The following ACSL4 variants were observed in gnomAD, a reference collection of about 807,000 sequenced individuals.
The protein encoded by ACSL4 is acyl-CoA synthetase long chain family member 4.
A neutral mutation model predicts 49.1 loss-of-function variants in ACSL4; 9 were observed. The observed-to-expected ratio is 0.18, with a 90% CI of 0.11 to 0.32. The LOEUF (loss-of-function observed/expected upper bound fraction) is 0.32. Ranked by LOEUF, ACSL4 falls within the 10% of genes least tolerant of loss-of-function variation. ACSL4 has a pLI of 1.00. For missense variants in ACSL4, 333 were observed against 493.7 expected (o/e 0.67, Z 3.08); for synonymous variants, 191 against 170.3 (o/e 1.12, Z -0.95).
chrX:109,664,208 T>C (rs1922435697), intron 12 of ACSL4, among the ~76,000 whole-genome samples: 1 of 108,114 alleles, frequency 9.2e-6, no homozygotes, highest in Non-Finnish European at 1.9e-5. Context: ...AGCCAAAGAG[T>C]CTTCACAGCA....
rs1035030150 is a variant in ACSL4 at position 109,696,143 on chromosome X, C to A, written c.-13+1G>T. On this transcript the variant is annotated splice_donor_variant, in intron 2 of 15. Coordinates refer to ENST00000672401, the MANE Select transcript of ACSL4 (RefSeq NM_001318510.2). LOFTEE classifies it low-confidence loss of function (5UTR_SPLICE). ...AGAATTTCTAAAGGACAAATACTTA[C>A]AAATGTCCTCTTTTTCTCTTAAGAA... is the stretch of plus-strand genomic sequence containing the variant. The A allele has an allele frequency of 8.9e-6, 1 of 112,319 alleles. No individual in the cohort carries two copies. The highest frequency in any genetic ancestry group is 9.4e-5 in the Admixed American group (1 of 10,673). The allele number at this position is 112,319 out of a possible 1,213,427, so 9.3% of individuals were successfully genotyped here.
At chrX:109,657,426 T>C (rs906672682) in intron 15 of ACSL4, among the ~76,000 whole-genome samples, 34 of 106,902 alleles carry the variant, frequency 3.2e-4, no homozygotes, top group Middle Eastern at 4.7e-3. Flanking sequence ...GTCCAAGTGT[T>C]CTCGTTGTTC....
At position 109,645,731 on chromosome X, in the gene ACSL4, G is replaced by A. The variant is rs776230020; in HGVS notation, c.1856-1545C>T. 6.2e-3 allele frequency among the ~76,000 whole-genome samples: 688 copies of A among 111,746 alleles called. 4 individuals are homozygous for A. The highest frequency in any genetic ancestry group is 0.01 in the Non-Finnish European group (547 of 53,045). On this transcript the variant is annotated intron_variant, in intron 15 of 15. Coordinates refer to ENST00000672401, the MANE Select transcript of ACSL4 (RefSeq NM_001318510.2). ...AGACAATCAAATTACTCCGAGCTAC[G>A]GGAGGACATTCAAACCAAAGGCAAA... is the stretch of plus-strand genomic sequence containing the variant.
At chrX:109,704,282 TCTTA>T (rs1051445148) in intron 1 of ACSL4, among the ~76,000 whole-genome samples, 8 of 112,013 alleles carry the variant, frequency 7.1e-5, no homozygotes, top group African/African-American at 2.6e-4. Flanking sequence ...TTTTTATTTT[TCTTA>T]CTTAAATAAG....
chrX:109,696,617 A>C (rs774652848), intron 1 of ACSL4, among the ~76,000 whole-genome samples: 10 of 112,701 alleles, frequency 8.9e-5, no homozygotes, highest in Admixed American at 4.7e-4. Context: ...ACCAAAAACG[A>C]GTAAGTTCCT....
chrX:109,666,013 A>G (rs1025183333), intron 11 of ACSL4, among the ~76,000 whole-genome samples: 8 of 112,603 alleles, frequency 7.1e-5, no homozygotes, highest in African/African-American at 2.6e-4. Context: ...AAACATCATC[A>G]TGATGATGAT....
Position 109,682,851 on chromosome X carries a change from G to T in ACSL4, c.274C>A (p.Arg92Ser). ...CCACTACCAAAGTTATTCACTCTGC[G>T]ATTCACTTCAAGATAGTTCATCCAT... ...YKWMNYLEVN[R>S]RVNNFGSGLT... Residue 92 changes from arginine (R) to serine (S), a missense_variant, in exon 4 of 16, where the codon CGC (arginine) becomes AGC (serine). Physicochemically the swap from Arg to Ser is moderately radical, Grantham distance 110. This residue lies in a region of ACSL4 where 157 missense variants were observed against 201.1 expected (regional missense o/e 0.78). Coordinates refer to ENST00000672401, the MANE Select transcript of ACSL4 (RefSeq NM_001318510.2). 8.3e-7 allele frequency: 1 copy of T among 1,211,028 alleles called. No individual in the cohort carries two copies. Among genetic ancestry groups the T allele is most frequent in the Non-Finnish European group, 1.1e-6 (1 of 894,896 alleles).
chrX:109,677,623 A>G (rs577510440), intron 8 of ACSL4, among the ~76,000 whole-genome samples: 10 of 109,883 alleles, frequency 9.1e-5, no homozygotes, highest in African/African-American at 3.3e-4. Context: ...TACTAAAAAT[A>G]CAAAAAAAAT....
At chrX:109,686,394 C>A (rs1924609901) in intron 2 of ACSL4, among the ~76,000 whole-genome samples, 2 of 112,040 alleles carry the variant, frequency 1.8e-5, no homozygotes, top group Non-Finnish European at 3.8e-5. Flanking sequence ...AAAATGATTT[C>A]TTACTGGTAA....
At chrX:109,652,753 A>G (rs888631457) in intron 15 of ACSL4, among the ~76,000 whole-genome samples, 9 of 111,630 alleles carry the variant, frequency 8.1e-5, no homozygotes, top group Middle Eastern at 4.6e-3. Context: ...ATTAATATAA[A>G]AGTGTGTTAT....
intron 1 of ACSL4, among the ~76,000 whole-genome samples, chrX:109,721,242 GAAATTACTA>G (rs1171558194): frequency 8.9e-6 from 1 of 112,225 alleles, no homozygotes; most frequent in African/African-American, 3.2e-5. Flanking sequence ...CTGGAAAGCA[GAAATTACTA>G]ACATATCCTG....
intron 15 of ACSL4, among the ~76,000 whole-genome samples, chrX:109,646,363 T>C (rs1299477649): frequency 9.0e-6 from 1 of 111,520 alleles, no homozygotes; most frequent in Non-Finnish European, 1.9e-5. Flanking sequence ...TGGGGGCCAA[T>C]ATACAACATT....
intron 1 of ACSL4, among the ~76,000 whole-genome samples, chrX:109,727,762 A>T (rs1928128347): frequency 1.8e-5 from 2 of 109,332 alleles, no homozygotes; most frequent in South Asian, 7.9e-4. Flanking sequence ...CTTTTTCTGT[A>T]AAGGTCCAGA....
At chrX:109,686,052 G>T (rs1450528897) in intron 2 of ACSL4, among the ~76,000 whole-genome samples, 1 of 111,536 alleles carries the variant, frequency 9.0e-6, no homozygotes, top group Non-Finnish European at 1.9e-5. Flanking sequence ...ATTTCTTCAA[G>T]ATAAGGTATG....
intron 9 of ACSL4, among the ~76,000 whole-genome samples, chrX:109,672,919 ACT>A (rs766008575): frequency 1.8e-5 from 2 of 110,141 alleles, no homozygotes; most frequent in Admixed American, 9.7e-5. Context: ...AAGTGTGCAG[ACT>A]CTCTATCTTT....
In ACSL4 at chrX:109,678,099, T is replaced by C. The variant is rs1393036058; in HGVS notation, c.819A>G (p.Thr273=). 3 of 1,211,993 alleles carry C rather than the reference T, an allele frequency of 2.5e-6. No homozygotes were observed. Among genetic ancestry groups the C allele is most frequent in the East Asian group, 5.9e-5 (2 of 33,855 alleles). The change falls in exon 8 of 16, where the codon ACA becomes ACG. Residue 273 remains threonine, a synonymous_variant. Coordinates refer to ENST00000672401, the MANE Select transcript of ACSL4 (RefSeq NM_001318510.2). ...GAGCCAAAGGCAAGTAGCCAATATA[T>C]GTGTCCTTCGGTCTAAAACAAAATA... ...ERIPGLGPKD[T]YIGYLPLAHV... is the part of the protein sequence containing the mutation.
chrX:109,721,141 T>C (rs1927518349), intron 1 of ACSL4, among the ~76,000 whole-genome samples: 1 of 112,344 alleles, frequency 8.9e-6, no homozygotes, highest in African/African-American at 3.2e-5. Context: ...GTGCTAGTTC[T>C]TCTTTTTCTT....
chrX:109,698,674 T>C (rs940249162), intron 1 of ACSL4, among the ~76,000 whole-genome samples: 2 of 110,975 alleles, frequency 1.8e-5, no homozygotes, highest in Admixed American at 9.6e-5. Flanking sequence ...ATCTTACAAT[T>C]AGAAAAGAAG....
At chrX:109,650,276 C>G (rs1603399556) in intron 15 of ACSL4, among the ~76,000 whole-genome samples, 1 of 110,320 alleles carries the variant, frequency 9.1e-6, no homozygotes, top group African/African-American at 3.3e-5. Context: ...TGGAACCAAC[C>G]CAAATGTCCA....
Sources: allele counts gnomAD v4.1 joint callset (sites outside exome capture counted in the v4.1 genomes callset), GRCh38; gene constraint gnomAD v4.1.1; regional missense constraint gnomAD v4.1.1; transcripts MANE v1.5; gene names NCBI Gene and HGNC (gene_info 2026-07-23, HGNC 2026-07-21).